Variants in DLG2 observed in about 807,000 individuals in gnomAD.
DLG2 encodes discs large MAGUK scaffold protein 2, also known as disks large homolog 2.
DLG2 carries 45 observed loss-of-function variants against 132.5 expected under a neutral mutation model. The ratio of observed to expected loss-of-function variants is 0.34; its 90% CI spans 0.27 to 0.44. DLG2 has a LOEUF of 0.44. DLG2 is among the 20% of genes least tolerant of loss of function. The pLI, the probability that DLG2 is intolerant of heterozygous loss-of-function variation, is 1.00. For synonymous variants in DLG2, 424 were observed against 419.6 expected (o/e 1.01, Z -0.13); for missense variants, 1,045 against 1,196.9 (o/e 0.87, Z 1.87).
In DLG2 at chr11:84,653,720, G is replaced by A. The variant is rs1294136458; in HGVS notation, c.358-118989C>T. ...ATATGTTCAAGTCCTCCTAACTTAT[G>A]GGATATTACAGCAAATATTTCCACC... On this transcript the variant is annotated intron_variant, in intron 6 of 27. Transcript: ENST00000376104. Among the ~76,000 whole-genome samples the A allele has an allele frequency of 5.9e-5, 9 of 152,248 alleles. No homozygotes were observed. In the East Asian group the frequency reaches 1.5e-3, roughly 26 times the overall value.
At chr11:84,907,073 G>C (rs1343126433) in intron 6 of DLG2, among the ~76,000 whole-genome samples, 1 of 152,130 alleles carries the variant, frequency 6.6e-6, no homozygotes, top group Non-Finnish European at 1.5e-5. Context: ...TTTCATGAGA[G>C]ACTAACTGCT....
chr11:84,441,579 T>C (rs554257236), intron 7 of DLG2, among the ~76,000 whole-genome samples: 2 of 152,322 alleles, frequency 1.3e-5, no homozygotes, highest in South Asian at 2.1e-4. Context: ...AAAACAGTTA[T>C]ATTTTGCTCT....
intron 8 of DLG2, among the ~76,000 whole-genome samples, chr11:84,218,478 G>C (rs1020940805): frequency 1.3e-5 from 2 of 152,076 alleles, no homozygotes; most frequent in Non-Finnish European, 2.9e-5. Flanking sequence ...GGCTCCTCTT[G>C]TATCTACATA....
intron 8 of DLG2, among the ~76,000 whole-genome samples, chr11:84,182,872 G>T (rs2096176699): frequency 6.6e-6 from 1 of 151,882 alleles, no homozygotes; most frequent in Admixed American, 6.6e-5. Context: ...GAAAAAAAAT[G>T]ACAAAATTGC....
At chr11:84,744,967 A>C (rs2065174917) in intron 6 of DLG2, among the ~76,000 whole-genome samples, 1 of 151,646 alleles carries the variant, frequency 6.6e-6, no homozygotes. Context: ...CTCATCTTTT[A>C]ACCAAACAGA....
intron 7 of DLG2, among the ~76,000 whole-genome samples, chr11:84,355,540 T>C (rs765197995): frequency 2.6e-5 from 4 of 152,068 alleles, no homozygotes; most frequent in Non-Finnish European, 2.9e-5. Flanking sequence ...AGCTTGATCT[T>C]GGATTCCCCA....
At chr11:84,290,667 GA>G (rs905203016) in intron 7 of DLG2, among the ~76,000 whole-genome samples, 1 of 152,124 alleles carries the variant, frequency 6.6e-6, no homozygotes, top group Non-Finnish European at 1.5e-5. Context: ...TAAGAGGTGA[GA>G]AAAGGAAGTG....
rs865917602 is a variant in DLG2 at position 85,273,270 on chromosome 11, A to C, written c.186+11950T>G. ...TTGACAAATGGGATCTAATTAAACTAAAGAGCTTCTGCACAGCAAAAGAAA... is the reference window on the plus strand; with the variant it reads ...TTGACAAATGGGATCTAATTAAACTCAAGAGCTTCTGCACAGCAAAAGAAA... On this transcript the variant is annotated intron_variant, in intron 4 of 27. Coordinates refer to ENST00000376104, the MANE Select transcript of DLG2 (RefSeq NM_001142699.3). 1.4e-4 allele frequency among the ~76,000 whole-genome samples: 21 copies of C among 152,314 alleles called. No homozygotes were observed. The South Asian group carries it at 3.5e-3, about 26-fold the overall frequency.
At chr11:84,988,756 C>T (rs192451349) in intron 6 of DLG2, among the ~76,000 whole-genome samples, 211 of 152,212 alleles carry the variant, frequency 1.4e-3, no homozygotes, top group Non-Finnish European at 2.1e-3. Context: ...TAAAAGATTA[C>T]AAATTGGGTG....
At chr11:85,322,351 A>C (rs1278034687) in intron 3 of DLG2, among the ~76,000 whole-genome samples, 6 of 152,162 alleles carry the variant, frequency 3.9e-5, no homozygotes. Flanking sequence ...CACTGAGTAC[A>C]GGAAATCCTC....
chr11:85,576,912 G>A (rs1403113747), intron 3 of DLG2, among the ~76,000 whole-genome samples: 1 of 152,118 alleles, frequency 6.6e-6, no homozygotes, highest in Non-Finnish European at 1.5e-5. Context: ...ACATAAACTA[G>A]TAAGAAAGTG....
At chr11:83,581,948 CTTTTTT>C (rs71849863) in intron 19 of DLG2, among the ~76,000 whole-genome samples, 1 of 52,638 alleles carries the variant, frequency 1.9e-5, no homozygotes, top group African/African-American at 8.1e-5. Context: ...AGTTTGGACT[CTTTTTT>C]TTTTTTTTTT....
chr11:83,677,054 A>C (rs1478034756), intron 18 of DLG2, among the ~76,000 whole-genome samples: 1 of 151,928 alleles, frequency 6.6e-6, no homozygotes, highest in African/African-American at 2.4e-5. Context: ...ATTTGGCTTG[A>C]CTCTTTCAGA....
At chr11:84,222,384 C>G (rs1439957970) in intron 8 of DLG2, among the ~76,000 whole-genome samples, 1 of 152,144 alleles carries the variant, frequency 6.6e-6, no homozygotes, top group African/African-American at 2.4e-5. Context: ...AATTGAGACA[C>G]TGTACTATAA....
intron 6 of DLG2, among the ~76,000 whole-genome samples, chr11:84,782,740 A>G (rs1406586835): frequency 6.6e-6 from 1 of 152,156 alleles, no homozygotes; most frequent in African/African-American, 2.4e-5. Flanking sequence ...CATAAAAAAC[A>G]TATCTTCTTT....
chr11:84,438,107 AAG>A, intron 7 of DLG2, among the ~76,000 whole-genome samples: 1 of 152,296 alleles, frequency 6.6e-6, no homozygotes, highest in East Asian at 1.9e-4. Context: ...CAAGAGGACT[AAG>A]AGGACTATCA....
At chr11:85,398,680 G>A (rs977623687) in intron 3 of DLG2, among the ~76,000 whole-genome samples, 2 of 152,122 alleles carry the variant, frequency 1.3e-5, no homozygotes, top group Non-Finnish European at 1.5e-5. Context: ...AAATCTAGAA[G>A]AAATGGATAA....
At chr11:84,807,519 C>T (rs2076135444) in intron 6 of DLG2, among the ~76,000 whole-genome samples, 1 of 151,960 alleles carries the variant, frequency 6.6e-6, no homozygotes, top group Admixed American at 6.6e-5. Flanking sequence ...TAATAATTAC[C>T]TTAAATGTAA....
intron 15 of DLG2, among the ~76,000 whole-genome samples, chr11:83,893,347 C>G (rs12795520): frequency 0.38 from 57,740 of 152,032 alleles, 11,140 homozygotes; most frequent in South Asian, 0.52. Context: ...TGAGGGATAT[C>G]AAATCCTGTG....
Sources: allele counts gnomAD v4.1 joint callset (sites outside exome capture counted in the v4.1 genomes callset), GRCh38; gene constraint gnomAD v4.1.1; transcripts MANE v1.5; gene names NCBI Gene and HGNC (gene_info 2026-07-23, HGNC 2026-07-21).